CPED1: variants seen among roughly 807,000 people sequenced by gnomAD.
CPED1 encodes cadherin-like and PC-esterase domain-containing protein 1.
Under a neutral mutation model 128.2 loss-of-function variants are expected in CPED1, and 114 were observed. The observed-to-expected ratio is 0.89, with a 90% CI of 0.76 to 1.04. The LOEUF is 1.04. Ranked by LOEUF, CPED1 falls within the 50% of genes least tolerant of loss-of-function variation. The pLI is 0.00. For missense variants in CPED1, 1,211 were observed against 1,207.1 expected, an observed-to-expected ratio of 1.00 and a Z score of -0.05; for synonymous variants, 462 against 426.7, an observed-to-expected ratio of 1.08 and a Z score of -1.02.
chr7:121,291,093 G>C (rs1792690877), intron 22 of CPED1, among the ~76,000 whole-genome samples: 1 of 152,168 alleles, frequency 6.6e-6, no homozygotes, highest in African/African-American at 2.4e-5. Context: ...TGTCAGGTTT[G>C]TCAAAGATCA....
intron 4 of CPED1, among the ~76,000 whole-genome samples, chr7:121,049,176 A>G (rs1217361222): frequency 1.3e-5 from 2 of 152,186 alleles, no homozygotes; most frequent in Non-Finnish European, 2.9e-5. Flanking sequence ...TAAAGAAACT[A>G]TTTACAGAGG....
intron 5 of CPED1, among the ~76,000 whole-genome samples, chr7:121,084,994 G>A (rs1291060549): frequency 6.6e-6 from 1 of 152,146 alleles, no homozygotes; most frequent in Non-Finnish European, 1.5e-5. Flanking sequence ...CGTAGTGACG[G>A]CCCCAAATGC....
Position 120,989,535 on chromosome 7 carries a change from C to T in CPED1, c.-87C>T. The T allele has an allele frequency of 6.7e-7, 1 of 1,502,044 alleles. No homozygotes were observed. 93.0% of individuals were successfully genotyped at this position (1,502,044 alleles called of 1,614,324 possible). A position where few individuals can be genotyped will look rare whatever the true frequency, so the allele number is the denominator to read the frequency against. ...TGATTGGAGTTGGGGAAAAAGAAGACAGATTAGTATTTTTCATGCTGACAA... is the reference window on the plus strand; with the variant it reads ...TGATTGGAGTTGGGGAAAAAGAAGATAGATTAGTATTTTTCATGCTGACAA... On this transcript the variant is annotated 5_prime_UTR_variant, in exon 2 of 23. Transcript: ENST00000310396.
intron 3 of CPED1, among the ~76,000 whole-genome samples, chr7:121,044,648 C>CTTTTTTTT (rs35159862): frequency 0.034 from 2,313 of 68,930 alleles, 548 homozygotes; most frequent in East Asian, 0.051. Context: ...TGACTTTCTG[C>CTTTTTTTT]TCTTTTTTTT....
At chr7:121,198,173 G>C (rs1323398456) in intron 16 of CPED1, among the ~76,000 whole-genome samples, 1 of 151,830 alleles carries the variant, frequency 6.6e-6, no homozygotes, top group East Asian at 1.9e-4. Context: ...TTATTGTTTA[G>C]GAAAAAAATC....
intron 2 of CPED1, among the ~76,000 whole-genome samples, chr7:120,990,214 G>T (rs996869857): frequency 1.3e-5 from 2 of 152,114 alleles, no homozygotes; most frequent in Non-Finnish European, 2.9e-5. Context: ...ATAAATCAAA[G>T]TTTCAAAAAC....
intron 3 of CPED1, among the ~76,000 whole-genome samples, chr7:121,039,059 C>A (rs1792976740): frequency 1.3e-5 from 2 of 152,032 alleles, no homozygotes; most frequent in Admixed American, 1.3e-4. Flanking sequence ...TCACCATGTG[C>A]CATTCACGCT....
intron 4 of CPED1, among the ~76,000 whole-genome samples, chr7:121,047,715 C>CTTCTTCTTCTTCTTTTTTT (rs1563005068): frequency 1.3e-5 from 1 of 76,064 alleles, no homozygotes; most frequent in African/African-American, 5.8e-5. Flanking sequence ...TCTTCTTCTT[C>CTTCTTCTTCTTCTTTTTTT]TTTTTTTTTT....
intron 16 of CPED1, among the ~76,000 whole-genome samples, chr7:121,171,274 C>T (rs1796643987): frequency 1.3e-5 from 2 of 152,114 alleles, no homozygotes; most frequent in Non-Finnish European, 2.9e-5. Flanking sequence ...AAATTCCTGC[C>T]TTTAATACGC....
intron 4 of CPED1, chr7:121,050,941 A>G (rs1459066538): frequency 2.0e-6 from 1 of 494,948 alleles, no homozygotes; most frequent in Non-Finnish European, 4.1e-6. Flanking sequence ...AGGGACCATC[A>G]AGGAAGAGCC....
intron 7 of CPED1, among the ~76,000 whole-genome samples, chr7:121,100,864 T>C (rs1446579472): frequency 6.6e-6 from 1 of 152,180 alleles, no homozygotes; most frequent in Admixed American, 6.5e-5. Context: ...ATTTTGAATT[T>C]TGGAAAATCT....
At chr7:121,132,294 G>A (rs1354797053) in intron 12 of CPED1, among the ~76,000 whole-genome samples, 1 of 152,018 alleles carries the variant, frequency 6.6e-6, no homozygotes. Flanking sequence ...TCTCACCAAT[G>A]GTCCAGTGCT....
rs1167305057 is a variant in CPED1, at chr7:121,139,423, C to T, written c.1700-1404C>T. ...TTTTTTTCATTTTAATTGTATTAGT[C>T]CATAATGGGAGCTATACAGAGACCT... is the stretch of plus-strand genomic sequence containing the variant. On this transcript the variant is annotated intron_variant, in intron 14 of 22. Coordinates refer to ENST00000310396, the MANE Select transcript of CPED1 (RefSeq NM_024913.5). Among the ~76,000 whole-genome samples the T allele has an allele frequency of 8.6e-5, 13 of 150,538 alleles. No individual in the cohort carries two copies. The East Asian group carries it at 2.5e-3, about 29-fold the overall frequency.
chr7:121,260,111 A>G (rs1351909389), intron 18 of CPED1, among the ~76,000 whole-genome samples: 1 of 151,810 alleles, frequency 6.6e-6, no homozygotes, highest in Middle Eastern at 3.4e-3. Context: ...CCTCCTTCGC[A>G]TTCAATAAAT....
Position 121,271,344 on chromosome 7 carries a change from G to A in CPED1, c.2782G>A (p.Gly928Ser), listed in dbSNP as rs1387157510. 8.7e-6 allele frequency: 14 copies of A among 1,612,238 alleles called. No homozygotes were observed. Among genetic ancestry groups the A allele is most frequent in the Non-Finnish European group, 1.1e-5 (13 of 1,178,688 alleles). The change falls in exon 22 of 23, where the codon GGC becomes AGC. Residue 928 changes from glycine to serine, a missense_variant. Transcript: ENST00000310396. Reference sequence around the variant, plus strand: ...TATTCTGGATACTGCAAAAAAACATGGCTATGAAGTAGTTGACACATTCAC... The same window carrying A: ...TATTCTGGATACTGCAAAAAAACATAGCTATGAAGTAGTTGACACATTCAC... Reference protein sequence around the residue: ...LIILDTAKKHGYEVVDTFTIT... With the variant: ...LIILDTAKKHSYEVVDTFTIT...
At chr7:121,244,055 C>A (rs552415296) in intron 17 of CPED1, 147 bp from the exon 18 acceptor site, 177 of 898,410 alleles carry the variant, frequency 2.0e-4, no homozygotes, top group Non-Finnish European at 3.0e-4. Context: ...TGGCAGGAAG[C>A]CATGCCTTCA....
rs183354675 is a variant in CPED1, at chr7:121,180,334, T to C, written c.2055+38193T>C. Among the ~76,000 whole-genome samples, 258 of 152,196 alleles carry C rather than the reference T, an allele frequency of 1.7e-3. 1 individual carries two copies. The highest frequency in any genetic ancestry group is 5.9e-3 in the African/African-American group (244 of 41,562). On this transcript the variant is annotated intron_variant, in intron 16 of 22. Coordinates refer to ENST00000310396, the MANE Select transcript of CPED1 (RefSeq NM_024913.5). Reference sequence around the variant, plus strand: ...GTAACACACAAATGGATTCCGAAGATTTTAGAAATATATTTTTTCTTGGAA... The same window carrying C: ...GTAACACACAAATGGATTCCGAAGACTTTAGAAATATATTTTTTCTTGGAA...
chr7:121,289,380 A>G (rs1792645879), intron 22 of CPED1, among the ~76,000 whole-genome samples: 1 of 152,206 alleles, frequency 6.6e-6, no homozygotes, highest in Non-Finnish European at 1.5e-5. Context: ...AAAGAAAAAA[A>G]TCAAGCCCAA....
chr7:121,124,357 G>C lies in CPED1; in HGVS notation c.945G>C (p.Leu315=). ...VKLQTFFETF[L]RASSPQQAFD... ...TGCAAACATTTTTTGAGACATTCCT[G>C]AGAGCCAGTTCACCTCAACAGGCTT... is the stretch of plus-strand genomic sequence containing the variant. The change falls in exon 8 of 23, where the codon CTG becomes CTC. Residue 315 remains leucine, a synonymous_variant. Coordinates refer to ENST00000310396, the MANE Select transcript of CPED1 (RefSeq NM_024913.5). The C allele has an allele frequency of 8.7e-6, 14 of 1,609,036 alleles. No individual in the cohort carries two copies. Among genetic ancestry groups the C allele is most frequent in the Non-Finnish European group, 1.2e-5 (14 of 1,177,362 alleles).
Sources: allele counts gnomAD v4.1 joint callset (sites outside exome capture counted in the v4.1 genomes callset), GRCh38; gene constraint gnomAD v4.1.1; transcripts MANE v1.5; gene names NCBI Gene and HGNC (gene_info 2026-07-23, HGNC 2026-07-21).